Variants in TMTC3 observed in about 807,000 individuals in gnomAD.
The protein encoded by TMTC3 is transmembrane O-mannosyltransferase targeting cadherins 3, also known as protein O-mannosyl-transferase TMTC3.
TMTC3 carries 52 observed loss-of-function variants against 92.2 expected under a neutral mutation model. The ratio of observed to expected loss-of-function variants is 0.56; its 90% CI spans 0.45 to 0.71. The LOEUF (loss-of-function observed/expected upper bound fraction) is 0.71. Ranked by LOEUF, TMTC3 falls within the 30% of genes least tolerant of loss-of-function variation. The probability of loss-of-function intolerance (pLI) is 0.00; values close to 1 mark genes in which losing one functional copy is unlikely to be tolerated. For missense variants in TMTC3, 896 were observed against 1,057.1 expected (o/e 0.85, Z 2.11); for synonymous variants, 339 against 363.3 (o/e 0.93, Z 0.76).
intron 13 of TMTC3, among the ~76,000 whole-genome samples, chr12:88,193,078 G>A (rs982781280): frequency 3.3e-5 from 5 of 151,906 alleles, no homozygotes; most frequent in African/African-American, 1.2e-4. Context: ...TAATTTTTCA[G>A]GCAGTCTATT....
rs765015748 is a variant in TMTC3, at chr12:88,176,290, A to G, written c.1403A>G (p.Tyr468Cys). The change falls in exon 10 of 14, where the codon TAC (tyrosine) becomes TGC (cysteine). Residue 468 changes from tyrosine (Y) to cysteine (C), a missense_variant. Physicochemically the swap from Tyr to Cys is radical, Grantham distance 194. Transcript: ENST00000266712. ...NEKNFERALK[Y>C]FLQATHVQPD... The stretch of plus-strand genomic sequence containing the variant: ...AAGAACTTTGAGAGAGCTTTGAAAT[A>G]CTTCTTACAGGCTACCCATGTTCAG... The G allele has an allele frequency of 1.2e-6, 2 of 1,612,018 alleles. No individual in the cohort carries two copies. Among genetic ancestry groups the G allele is most frequent in the South Asian group, 1.1e-5 (1 of 90,790 alleles).
At chr12:88,143,520 ATC>A (rs2040815847) in intron 1 of TMTC3, among the ~76,000 whole-genome samples, 2 of 152,228 alleles carry the variant, frequency 1.3e-5, no homozygotes, top group South Asian at 2.1e-4. Context: ...TTGAACACAG[ATC>A]TCTCTGGCTG....
At chr12:88,153,989 C>A (rs997994931) in intron 3 of TMTC3, among the ~76,000 whole-genome samples, 9 of 151,808 alleles carry the variant, frequency 5.9e-5, no homozygotes, top group Non-Finnish European at 1.3e-4. Context: ...TACGTGGTTA[C>A]CATTGGAGAA....
chr12:88,148,156 C>T (rs955062615), intron 1 of TMTC3, 132 bp from the exon 2 acceptor site: 1 of 592,470 alleles, frequency 1.7e-6, no homozygotes. Context: ...GCTTATGCTT[C>T]TTAGAAGTGG....
intron 4 of TMTC3, among the ~76,000 whole-genome samples, chr12:88,155,342 G>A (rs1209623745): frequency 1.3e-5 from 2 of 152,186 alleles, no homozygotes; most frequent in East Asian, 1.9e-4. Context: ...AGTGCATCAT[G>A]TAGTAGGAGG....
At chr12:88,152,921 A>G (rs1219203514) in intron 2 of TMTC3, among the ~76,000 whole-genome samples, 2 of 152,136 alleles carry the variant, frequency 1.3e-5, no homozygotes, top group African/African-American at 4.8e-5. Context: ...GAACTTTTGT[A>G]TTGCTGATAG....
intron 10 of TMTC3, among the ~76,000 whole-genome samples, 156 bp downstream of exon 10, chr12:88,176,475 C>T (rs548511256): frequency 6.6e-6 from 1 of 152,184 alleles, no homozygotes; most frequent in African/African-American, 2.4e-5. Context: ...ATATAACAGC[C>T]ACTTAATATC....
chr12:88,176,203 T>G lies in TMTC3; in HGVS notation c.1321-5T>G, dbSNP rs1193551019. On this transcript the variant is annotated splice_region_variant and splice_polypyrimidine_tract_variant and intron_variant, in intron 9 of 13. Transcript: ENST00000266712. ...TAACTTTTTCTATCTGTGCTTGTAT[T>G]TAAGGTAAATAAAAATAATGCCAAA... 6.3e-7 allele frequency: 1 copy of G among 1,592,802 alleles called. No homozygotes were observed. Among genetic ancestry groups the G allele is most frequent in the East Asian group, 2.2e-5 (1 of 44,450 alleles).
intron 10 of TMTC3, among the ~76,000 whole-genome samples, chr12:88,180,969 T>G (rs932419528): frequency 2.0e-5 from 3 of 152,218 alleles, no homozygotes; most frequent in African/African-American, 4.8e-5. Flanking sequence ...TGTTGCAGGA[T>G]CCTTACTCAT....
chr12:88,181,535 A>G (rs550450754), intron 10 of TMTC3, among the ~76,000 whole-genome samples: 6 of 152,138 alleles, frequency 3.9e-5, no homozygotes, highest in Admixed American at 1.3e-4. Flanking sequence ...CTGCTTGTTC[A>G]TTGCCATAAG....
At chr12:88,165,598 A>G (rs1392419452) in intron 6 of TMTC3, among the ~76,000 whole-genome samples, 1 of 152,218 alleles carries the variant, frequency 6.6e-6, no homozygotes, top group East Asian at 1.9e-4. Flanking sequence ...TTTAAGTACT[A>G]TATATTATAA....
intron 6 of TMTC3, among the ~76,000 whole-genome samples, chr12:88,164,148 C>T (rs1409285865): frequency 6.7e-6 from 1 of 149,596 alleles, no homozygotes; most frequent in Non-Finnish European, 1.5e-5. Flanking sequence ...CAAGACTGTG[C>T]CATGGCATTC....
chr12:88,182,420 T>TATC (rs1322816681), intron 10 of TMTC3, among the ~76,000 whole-genome samples: 1 of 152,212 alleles, frequency 6.6e-6, no homozygotes, highest in African/African-American at 2.4e-5. Context: ...TTATGTAACT[T>TATC]ATCAGTAGTT....
At position 88,174,795 on chromosome 12, in the gene TMTC3, T is replaced by G. The variant is rs889206027; in HGVS notation, c.1320+68T>G. ...ATTTCTTGGAACAATTTCTAAGCTGTTTTAACTTTGTTTTTAATTAGACAT... is the reference window on the plus strand; with the variant it reads ...ATTTCTTGGAACAATTTCTAAGCTGGTTTAACTTTGTTTTTAATTAGACAT... On this transcript the variant is annotated intron_variant, in intron 9 of 13. Coordinates refer to ENST00000266712, the MANE Select transcript of TMTC3 (RefSeq NM_181783.4). 2.1e-5 allele frequency: 34 copies of G among 1,582,348 alleles called. No homozygotes were observed. In the African/African-American group the frequency reaches 4.2e-4, roughly 20 times the overall value.
chr12:88,145,389 A>G (rs1231578718), intron 1 of TMTC3, among the ~76,000 whole-genome samples: 1 of 152,172 alleles, frequency 6.6e-6, no homozygotes, highest in African/African-American at 2.4e-5. Context: ...GCCTTAATAC[A>G]ATTTACAGTT....
chr12:88,144,055 C>T (rs1241062519), intron 1 of TMTC3, among the ~76,000 whole-genome samples: 2 of 152,170 alleles, frequency 1.3e-5, no homozygotes, highest in African/African-American at 2.4e-5. Flanking sequence ...GCAGTGAGAA[C>T]GAGCAGACGT....
At position 88,153,393 on chromosome 12, in the gene TMTC3, A is replaced by T. The variant is rs767102938; in HGVS notation, c.292A>T (p.Ile98Phe). 6.2e-6 allele frequency: 10 copies of T among 1,613,238 alleles called. No homozygotes were observed. In the South Asian group the frequency reaches 7.7e-5, roughly 12 times the overall value. Residue 98 changes from isoleucine to phenylalanine, a missense_variant, in exon 3 of 14, where the codon ATT becomes TTT. Coordinates refer to ENST00000266712, the MANE Select transcript of TMTC3 (RefSeq NM_181783.4). ...KPMSYHLLNM[I>F]FHAVVSVIFL... ...AATGTCATATCATCTCCTGAATATG[A>T]TTTTTCATGCTGTGGTTAGTGTGAT...
In TMTC3 at chr12:88,199,372, A is replaced by T. The variant is rs2041555607; in HGVS notation, c.*3723A>T. On this transcript the variant is annotated 3_prime_UTR_variant, in exon 14 of 14. Transcript: ENST00000266712. ...AATTGTGAAGAGGATTTATATATTTATATGATATATTGTATATATTAATAT... is the reference window on the plus strand; with the variant it reads ...AATTGTGAAGAGGATTTATATATTTTTATGATATATTGTATATATTAATAT... 1 of 150,112 alleles carries T rather than the reference A, an allele frequency of 6.7e-6. No individual in the cohort carries two copies. The highest frequency in any genetic ancestry group is 2.5e-5 in the African/African-American group (1 of 40,026). 9.3% of individuals were successfully genotyped at this position (150,112 alleles called of 1,614,324 possible).
In TMTC3 at chr12:88,166,346, G is replaced by T. The variant is rs1395869415; in HGVS notation, c.814G>T (p.Ala272Ser). 2 of 1,613,446 alleles carry T rather than the reference G, an allele frequency of 1.2e-6. No homozygotes were observed. The highest frequency in any genetic ancestry group is 1.7e-6 in the Non-Finnish European group (2 of 1,179,760). Residue 272 changes from alanine (A) to serine (S), a missense_variant, in exon 7 of 14, where the codon GCT becomes TCT. Coordinates refer to ENST00000266712, the MANE Select transcript of TMTC3 (RefSeq NM_181783.4). The part of the protein sequence containing the change: ...PVFTRFDNPA[A>S]VSPTPTRQLT... The stretch of plus-strand genomic sequence containing the variant: ...TTTATACAGGTTTGATAACCCAGCT[G>T]CTGTAAGCCCAACTCCTACAAGGCA...
Sources: gnomAD v4.1 joint callset for allele counts (sites outside exome capture counted in the v4.1 genomes callset) on GRCh38, gnomAD v4.1.1 for gene constraint, MANE v1.5 for transcripts, NCBI Gene and HGNC (gene_info 2026-07-23, HGNC 2026-07-21) for gene names.